The following POR variants were observed in gnomAD, a reference collection of about 807,000 sequenced individuals.
POR encodes the protein NADPH--cytochrome P450 reductase.
Under a neutral mutation model 84.0 loss-of-function variants are expected in POR, and 56 were observed. The ratio of observed to expected loss-of-function variants is 0.67; its 90% CI spans 0.54 to 0.83. The LOEUF (loss-of-function observed/expected upper bound fraction) is 0.83, where lower values mean the gene tolerates loss of function less well. Among genes scored for constraint, POR ranks in the 40% least tolerant of loss-of-function variants. The pLI is 0.00. For synonymous variants in POR, 414 were observed against 400.5 expected (o/e 1.03, Z -0.40); for missense variants, 938 against 944.3 (o/e 0.99, Z 0.09).
intron 1 of POR, among the ~76,000 whole-genome samples, chr7:75,953,004 G>A (rs1168510906): frequency 6.6e-6 from 1 of 152,182 alleles, no homozygotes; most frequent in East Asian, 1.9e-4. Flanking sequence ...CCGAGATCAA[G>A]CCACTGCACT....
intron 1 of POR, among the ~76,000 whole-genome samples, chr7:75,946,620 G>A (rs530435272): frequency 1.3e-5 from 2 of 152,250 alleles, no homozygotes; most frequent in South Asian, 4.1e-4. Context: ...GAACATGAAA[G>A]CCTTCTGTTG....
chr7:75,982,157 C>A, intron 7 of POR, 67 bp from the exon 8 acceptor site: 1 of 1,274,490 alleles, frequency 7.8e-7, no homozygotes, highest in Non-Finnish European at 1.1e-6. Flanking sequence ...CCCCTGTAGT[C>A]CAACCCCTCC....
intron 1 of POR, among the ~76,000 whole-genome samples, chr7:75,941,085 C>A (rs564840280): frequency 2.0e-5 from 3 of 152,282 alleles, no homozygotes; most frequent in African/African-American, 7.2e-5. Flanking sequence ...GGGAGGATGG[C>A]TTGAGGCCAG....
chr7:75,918,010 A>G (rs1225482734), intron 1 of POR, among the ~76,000 whole-genome samples: 1 of 152,116 alleles, frequency 6.6e-6, no homozygotes, highest in African/African-American at 2.4e-5. Flanking sequence ...TAAAAAAAAT[A>G]CAAATACAAA....
chr7:75,983,662 G>A (rs1041536092), intron 9 of POR, 26 bp downstream of exon 9: 1 of 1,609,290 alleles, frequency 6.2e-7, no homozygotes, highest in African/African-American at 1.3e-5. Context: ...GTCACCCCCT[G>A]AACCCTCACT....
chr7:75,924,359 G>GC, intron 1 of POR, among the ~76,000 whole-genome samples: 1 of 152,272 alleles, frequency 6.6e-6, no homozygotes. Flanking sequence ...TTACCTGGAT[G>GC]CTGAAGACAT....
At chr7:75,983,353 G>C in intron 8 of POR, 167 bp from the exon 9 acceptor site, 1 of 545,006 alleles carries the variant, frequency 1.8e-6, no homozygotes, top group Non-Finnish European at 3.2e-6. Flanking sequence ...AAAAAAAAAA[G>C]AGAACTGCAT....
Position 75,961,311 on chromosome 7 carries a change from G to A in POR, c.188+7131G>A, listed in dbSNP as rs550649462. ...AAAAAATAGAGGATCTGGTCATACT[G>A]GACCCACAGTGATGCCCACCAGCTG... On this transcript the variant is annotated intron_variant, in intron 2 of 15. Transcript: ENST00000461988. Among the ~76,000 whole-genome samples, 6 of 150,226 alleles carry A rather than the reference G, an allele frequency of 4.0e-5. No individual in the cohort carries two copies. In the South Asian group the frequency reaches 1.3e-3, roughly 31 times the overall value.
At chr7:75,919,896 G>A (rs868986849) in intron 1 of POR, among the ~76,000 whole-genome samples, 1 of 151,550 alleles carries the variant, frequency 6.6e-6, no homozygotes, top group South Asian at 2.1e-4. Flanking sequence ...AGTGCTGGAG[G>A]GTGTGGCATT....
At chr7:75,935,688 G>A (rs1405764771) in intron 1 of POR, among the ~76,000 whole-genome samples, 1 of 148,958 alleles carries the variant, frequency 6.7e-6, no homozygotes, top group Non-Finnish European at 1.5e-5. Context: ...ACAGAGATCT[G>A]TATTTATTAA....
At chr7:75,935,136 G>A (rs1807602991) in intron 1 of POR, among the ~76,000 whole-genome samples, 1 of 152,176 alleles carries the variant, frequency 6.6e-6, no homozygotes, top group South Asian at 2.1e-4. Flanking sequence ...CCAGGACAGA[G>A]CTGCCCAGGA....
In POR at chr7:75,986,049, C is replaced by T. The variant is rs1554559322; in HGVS notation, c.1796C>T (p.Ser599Phe). 6.4e-7 allele frequency: 1 copy of T among 1,560,158 alleles called. No individual in the cohort carries two copies. Among genetic ancestry groups the T allele is most frequent in the Admixed American group, 1.9e-5 (1 of 51,690 alleles). Residue 599 changes from serine (S) to phenylalanine (F), a missense_variant, in exon 14 of 16, where the codon TCC (serine) becomes TTC (phenylalanine). By Grantham distance (155) the Ser-to-Phe change is radical. Transcript: ENST00000461988. ...CTCACCCAGCTCAACGTGGCCTTCT[C>T]CCGGGAGCAGTCCCACAAGGTGAGA...
At chr7:75,983,159 G>C (rs1271124018) in intron 8 of POR, among the ~76,000 whole-genome samples, 2 of 152,156 alleles carry the variant, frequency 1.3e-5, no homozygotes, top group East Asian at 1.9e-4. Context: ...TGGCCAACAT[G>C]GTGAAACCCC....
chr7:75,981,589 C>T lies in POR; in HGVS notation c.714C>T (p.Ala238=), dbSNP rs1554557961. Residue 238 remains alanine, a synonymous_variant, in exon 7 of 16, where the codon GCC becomes GCT. Coordinates refer to ENST00000461988, the MANE Select transcript of POR (RefSeq NM_000941.3). Reference sequence around the variant, plus strand: ...TGTGTGAACACTTTGGGGTGGAAGCCACTGGCGAGGAGTCCAGGTGAGCAA... The same window carrying T: ...TGTGTGAACACTTTGGGGTGGAAGCTACTGGCGAGGAGTCCAGGTGAGCAA... 1 of 1,613,068 alleles carries T rather than the reference C, an allele frequency of 6.2e-7. No individual in the cohort carries two copies. Among genetic ancestry groups the T allele is most frequent in the Non-Finnish European group, 8.5e-7 (1 of 1,179,666 alleles).
chr7:75,986,831 T>A lies in POR; in HGVS notation c.*350T>A. On this transcript the variant is annotated 3_prime_UTR_variant, in exon 16 of 16. Coordinates refer to ENST00000461988, the MANE Select transcript of POR (RefSeq NM_000941.3). ...AATAATTTTAAATAACCTCTGGCCCTTGGAATAAAGTTCTGTTTTCTGTAT... is the reference window on the plus strand; with the variant it reads ...AATAATTTTAAATAACCTCTGGCCCATGGAATAAAGTTCTGTTTTCTGTAT... The A allele has an allele frequency of 1.7e-6, 1 of 573,118 alleles. No homozygotes were observed. Among genetic ancestry groups the A allele is most frequent in the Non-Finnish European group, 3.1e-6 (1 of 325,718 alleles). 35.5% of individuals were successfully genotyped at this position (573,118 alleles called of 1,614,324 possible).
intron 1 of POR, among the ~76,000 whole-genome samples, chr7:75,949,352 C>T (rs1372167430): frequency 1.3e-5 from 2 of 152,076 alleles, no homozygotes; most frequent in African/African-American, 2.4e-5. Context: ...GATGGAGTTT[C>T]GCTGTGTTGG....
At chr7:75,938,342 C>T (rs894961926) in intron 1 of POR, among the ~76,000 whole-genome samples, 5 of 152,158 alleles carry the variant, frequency 3.3e-5, no homozygotes, top group African/African-American at 1.2e-4. Context: ...TAGTACCTTC[C>T]TGTAGCAGCA....
intron 1 of POR, among the ~76,000 whole-genome samples, chr7:75,943,487 C>T (rs1172945030): frequency 6.6e-6 from 1 of 152,150 alleles, no homozygotes; most frequent in Non-Finnish European, 1.5e-5. Context: ...ATACTGTTGA[C>T]ATTCCCTTGT....
At chr7:75,950,455 G>T (rs1413391772) in intron 1 of POR, among the ~76,000 whole-genome samples, 4 of 152,170 alleles carry the variant, frequency 2.6e-5, no homozygotes, top group African/African-American at 9.7e-5. Flanking sequence ...GAGTTTCTTG[G>T]CTGCTGCCTT....
Sources: gnomAD v4.1 joint callset for allele counts (sites outside exome capture counted in the v4.1 genomes callset) on GRCh38, gnomAD v4.1.1 for gene constraint, MANE v1.5 for transcripts, NCBI Gene and HGNC (gene_info 2026-07-23, HGNC 2026-07-21) for gene names.